The following CTR9 variants were observed in gnomAD, a reference collection of about 807,000 sequenced individuals.
CTR9 encodes RNA polymerase-associated protein CTR9 homolog.
In CTR9, 41 loss-of-function variants were observed where a neutral mutation model predicts 152.1. The observed-to-expected ratio is 0.27, with a 90% CI of 0.21 to 0.35. CTR9 has a LOEUF of 0.35. Ranked by LOEUF, CTR9 falls within the 10% of genes least tolerant of loss-of-function variation. The pLI is 1.00. For missense variants in CTR9, 917 were observed against 1,424.4 expected (o/e 0.64, Z 5.73); for synonymous variants, 476 against 496.2 (o/e 0.96, Z 0.54).
rs777141480 is a variant in CTR9, at chr11:10,774,148, G to A, written c.2864G>A (p.Arg955Lys). 1 of 1,603,546 alleles carries A rather than the reference G, an allele frequency of 6.2e-7. No individual in the cohort carries two copies. The highest frequency in any genetic ancestry group is 8.5e-7 in the Non-Finnish European group (1 of 1,174,630). Residue 955 changes from arginine (R) to lysine (K), a missense_variant, in exon 22 of 25, where the codon AGA becomes AAA. By Grantham distance (26) the Arg-to-Lys change is conservative. This residue lies in a region of CTR9 where 384 missense variants were observed against 398.4 expected (regional missense o/e 0.96). Transcript: ENST00000361367. ...QEGEDEEGGE[R>K]KKKKRRRHPK... ...GGTGAAGATGAGGAGGGTGGTGAGA[G>A]AAAGAAGAAAAAGAGGAGAAGGTAA... is the stretch of plus-strand genomic sequence containing the variant.
At chr11:10,762,868 G>A (rs1317170347) in intron 7 of CTR9, among the ~76,000 whole-genome samples, 1 of 151,748 alleles carries the variant, frequency 6.6e-6, no homozygotes, top group Non-Finnish European at 1.5e-5. Context: ...AGCTGGACAT[G>A]GTGGCACATA....
At chr11:10,777,258 G>A (rs1156939728) in intron 24 of CTR9, among the ~76,000 whole-genome samples, 1 of 152,014 alleles carries the variant, frequency 6.6e-6, no homozygotes, top group African/African-American at 2.4e-5. Context: ...CTGGCCAGGT[G>A]AGGTGGCTCA....
chr11:10,776,586 G>A (rs1863238472), intron 24 of CTR9, among the ~76,000 whole-genome samples: 1 of 152,188 alleles, frequency 6.6e-6, no homozygotes, highest in African/African-American at 2.4e-5. Context: ...GTGAGACAGT[G>A]TAAGTGCTGG....
In CTR9 at chr11:10,774,079, C is replaced by G. The variant is rs1313562709; in HGVS notation, c.2795C>G (p.Ser932Cys). 3.7e-6 allele frequency: 6 copies of G among 1,611,574 alleles called. No individual in the cohort carries two copies. Among genetic ancestry groups the G allele is most frequent in the African/African-American group, 1.3e-5 (1 of 74,644 alleles). ...NDDTDDDLPI[S>C]KKKKRRKGSG... ...GACACTGATGATGACCTACCTATATCCAAAAAGAAGAAGAGAAGAAAGGGT... is the reference window on the plus strand; with the variant it reads ...GACACTGATGATGACCTACCTATATGCAAAAAGAAGAAGAGAAGAAAGGGT... The change falls in exon 22 of 25, where the codon TCC becomes TGC. Residue 932 changes from serine (S) to cysteine (C), a missense_variant. Ser to Cys is a moderately radical substitution (Grantham distance 112). Transcript: ENST00000361367.
rs936129829 is a variant in CTR9 at position 10,753,433 on chromosome 11, A to G, written c.144+663A>G. Among the ~76,000 whole-genome samples the G allele has an allele frequency of 3.9e-5, 6 of 152,098 alleles. No individual in the cohort carries two copies. In the East Asian group the frequency reaches 7.7e-4, roughly 19 times the overall value. On this transcript the variant is annotated intron_variant, in intron 2 of 24. Coordinates refer to ENST00000361367, the MANE Select transcript of CTR9 (RefSeq NM_014633.5). ...AGATATGCCACATTGCTTTCATACA[A>G]ACATACAGAAGAGGCTCCTAATATT...
At position 10,760,335 on chromosome 11, in the gene CTR9, A is replaced by G; in HGVS notation, c.741+14A>G. 1.2e-6 allele frequency: 2 copies of G among 1,606,784 alleles called. No homozygotes were observed. Among genetic ancestry groups the G allele is most frequent in the Non-Finnish European group, 1.7e-6 (2 of 1,174,922 alleles). On this transcript the variant is annotated intron_variant, in intron 6 of 24. Transcript: ENST00000361367. ...AACAATAAAGAGGTATGTAAATGAA[A>G]AAAGTATCTAGCTCCTAACTGCTTT...
intron 19 of CTR9, 83 bp from the exon 20 acceptor site, chr11:10,772,437 T>A (rs962645910): frequency 5.0e-6 from 6 of 1,195,992 alleles, no homozygotes; most frequent in African/African-American, 1.6e-5. Context: ...TCAGATTTTT[T>A]AATTTGTATA....
intron 24 of CTR9, among the ~76,000 whole-genome samples, chr11:10,777,814 G>A (rs568010954): frequency 1.3e-5 from 2 of 152,270 alleles, no homozygotes; most frequent in South Asian, 2.1e-4. Context: ...CTCCCTCACC[G>A]TTCCTAGACC....
intron 16 of CTR9, among the ~76,000 whole-genome samples, chr11:10,769,059 A>G (rs1863102542): frequency 6.6e-6 from 1 of 152,054 alleles, no homozygotes; most frequent in African/African-American, 2.4e-5. Context: ...TGTCTCTACT[A>G]AAAATACAAA....
At chr11:10,757,007 G>T (rs1306493586) in intron 5 of CTR9, among the ~76,000 whole-genome samples, 169 bp downstream of exon 5, 1 of 152,192 alleles carries the variant, frequency 6.6e-6, no homozygotes, top group Non-Finnish European at 1.5e-5. Context: ...GGATAGTAAG[G>T]CCAGGTGCAA....
At position 10,763,886 on chromosome 11, in the gene CTR9, C is replaced by T; in HGVS notation, c.1194+7C>T. 1 of 1,582,726 alleles carries T rather than the reference C, an allele frequency of 6.3e-7. No homozygotes were observed. ...AAAACGAGATATTGCCAAGGTACAT[C>T]TTTTTTTTAAAGTCTTAGCTGTTTT... On this transcript the variant is annotated splice_region_variant and intron_variant, in intron 9 of 24. Coordinates refer to ENST00000361367, the MANE Select transcript of CTR9 (RefSeq NM_014633.5).
At chr11:10,760,343 C>A in intron 6 of CTR9, 22 bp downstream of exon 6, 1 of 1,603,668 alleles carries the variant, frequency 6.2e-7, no homozygotes, top group Non-Finnish European at 8.5e-7. Context: ...AAAAAAGTAT[C>A]TAGCTCCTAA....
Position 10,778,967 on chromosome 11 carries a change from C to G in CTR9, c.3384C>G (p.Ala1128=), listed in dbSNP as rs906426461. Residue 1128 remains alanine, a synonymous_variant, in exon 25 of 25, where the codon GCC becomes GCG. Transcript: ENST00000361367. ...ENDSRPASPS[A]ESDHESERGS... ...ACTCTCGCCCAGCTTCTCCAAGTGC[C>G]GAATCAGATCACGAATCGGAGAGAG... The G allele has an allele frequency of 6.2e-7, 1 of 1,614,040 alleles. No homozygotes were observed. Among genetic ancestry groups the G allele is most frequent in the Admixed American group, 1.7e-5 (1 of 60,012 alleles).
chr11:10,759,608 G>T (rs12418180), intron 5 of CTR9, among the ~76,000 whole-genome samples: 1 of 152,074 alleles, frequency 6.6e-6, no homozygotes, highest in Admixed American at 6.5e-5. Context: ...GAACGTTTAT[G>T]TGTAGATGAG....
At chr11:10,762,326 A>G (rs942857176) in intron 7 of CTR9, among the ~76,000 whole-genome samples, 2 of 152,218 alleles carry the variant, frequency 1.3e-5, no homozygotes, top group Admixed American at 6.5e-5. Flanking sequence ...AAGGAGTTCA[A>G]TTTCATAGAA....
chr11:10,760,665 C>T (rs749944098), intron 6 of CTR9, among the ~76,000 whole-genome samples: 3 of 151,634 alleles, frequency 2.0e-5, no homozygotes, highest in South Asian at 2.1e-4. Flanking sequence ...GATAAGGGGT[C>T]GTAGACTTGT....
At chr11:10,759,022 A>C (rs773280532) in intron 5 of CTR9, among the ~76,000 whole-genome samples, 3 of 152,212 alleles carry the variant, frequency 2.0e-5, no homozygotes, top group African/African-American at 7.2e-5. Flanking sequence ...ATATTTTCCA[A>C]ATCCCGTTAT....
rs559659357 is a variant in CTR9 at position 10,756,890 on chromosome 11, G to A, written c.592+52G>A. 1.5e-5 allele frequency: 17 copies of A among 1,135,228 alleles called. No homozygotes were observed. The African/African-American group carries it at 2.0e-4, about 13-fold the overall frequency. 70.3% of individuals were successfully genotyped at this position (1,135,228 alleles called of 1,614,324 possible). A position where few individuals can be genotyped will look rare whatever the true frequency, so the allele number is the denominator to read the frequency against. On this transcript the variant is annotated intron_variant, in intron 5 of 24. Coordinates refer to ENST00000361367, the MANE Select transcript of CTR9 (RefSeq NM_014633.5). Reference sequence around the variant, plus strand: ...TAAACTGTGTATTACCCAGCTTAAAGCATTGAGGATTTGTCAGTTGCTTAT... The same window carrying A: ...TAAACTGTGTATTACCCAGCTTAAAACATTGAGGATTTGTCAGTTGCTTAT...
intron 20 of CTR9, 94 bp from the exon 21 acceptor site, chr11:10,773,031 GAA>G: frequency 6.2e-6 from 7 of 1,129,626 alleles, no homozygotes; most frequent in Non-Finnish European, 7.1e-6. Flanking sequence ...CATCTCAAAA[GAA>G]AAAAAAAAAT....
Sources: gnomAD v4.1 joint callset for allele counts (sites outside exome capture counted in the v4.1 genomes callset) on GRCh38, gnomAD v4.1.1 for gene constraint, gnomAD v4.1.1 regional missense constraint, MANE v1.5 for transcripts, NCBI Gene and HGNC (gene_info 2026-07-23, HGNC 2026-07-21) for gene names.